The following WNT7B variants were observed in gnomAD, a reference collection of about 807,000 sequenced individuals.
The protein encoded by WNT7B is Wnt family member 7B.
Under a neutral mutation model 38.2 loss-of-function variants are expected in WNT7B, and 19 were observed. That is an observed-to-expected ratio of 0.50 (90% CI 0.35 to 0.73). The LOEUF is 0.73. Among genes scored for constraint, WNT7B ranks in the 30% least tolerant of loss-of-function variants. WNT7B has a pLI of 0.01. For synonymous variants in WNT7B, 243 were observed against 209.3 expected (o/e 1.16, Z -1.39); for missense variants, 423 against 507.9 (o/e 0.83, Z 1.61).
intron 1 of WNT7B, among the ~76,000 whole-genome samples, chr22:45,974,261 C>T (rs943582217): frequency 2.0e-5 from 3 of 152,146 alleles, no homozygotes; most frequent in Non-Finnish European, 4.4e-5. Flanking sequence ...CACTCAAGGC[C>T]ACAGGCTAGG....
At chr22:45,962,468 C>T (rs1016802996) in intron 1 of WNT7B, among the ~76,000 whole-genome samples, 5 of 152,198 alleles carry the variant, frequency 3.3e-5, no homozygotes, top group African/African-American at 1.2e-4. Flanking sequence ...GGGCAGGTAC[C>T]TTGCTCCCTC....
intron 1 of WNT7B, among the ~76,000 whole-genome samples, chr22:45,958,340 G>A (rs1176847632): frequency 6.6e-6 from 1 of 152,164 alleles, no homozygotes. Flanking sequence ...CAGGTGGCAG[G>A]GAGTGGGCAG....
In WNT7B at chr22:45,922,439, G is replaced by A. The variant is rs928419935; in HGVS notation, c.*417C>T. The A allele has an allele frequency of 2.1e-5, 4 of 192,162 alleles. No homozygotes were observed. Among genetic ancestry groups the A allele is most frequent in the Admixed American group, 1.1e-4 (2 of 18,886 alleles). The allele number at this position is 192,162 out of a possible 1,614,324, so 11.9% of individuals were successfully genotyped here. On this transcript the variant is annotated 3_prime_UTR_variant, in exon 4 of 4. Coordinates refer to ENST00000339464, the MANE Select transcript of WNT7B (RefSeq NM_058238.3). The stretch of plus-strand genomic sequence containing the variant: ...CCCAGCCTGGGAACTGGTCTGGAGA[G>A]GCCAGCCGGCGTAGCTTTTCTGTGT...
At chr22:45,937,028 A>T (rs1931530287) in intron 2 of WNT7B, among the ~76,000 whole-genome samples, 1 of 152,154 alleles carries the variant, frequency 6.6e-6, no homozygotes, top group Non-Finnish European at 1.5e-5. Flanking sequence ...GACCTGATTA[A>T]CTGCACGGAG....
At chr22:45,934,228 T>G (rs889966656) in intron 2 of WNT7B, among the ~76,000 whole-genome samples, 2 of 151,992 alleles carry the variant, frequency 1.3e-5, no homozygotes, top group Admixed American at 1.3e-4. Flanking sequence ...GTGCCTGGGG[T>G]CGGGGGCCCT....
At chr22:45,928,874 C>A (rs1185165189) in intron 3 of WNT7B, among the ~76,000 whole-genome samples, 2 of 145,644 alleles carry the variant, frequency 1.4e-5, no homozygotes, top group Admixed American at 1.4e-4. Context: ...CACGACATAC[C>A]ACGACCTTGG....
intron 2 of WNT7B, among the ~76,000 whole-genome samples, chr22:45,932,422 C>G (rs1018843546): frequency 1.3e-5 from 2 of 152,130 alleles, no homozygotes; most frequent in South Asian, 2.1e-4. Context: ...CCAGACCCCC[C>G]CCGCCAGAAG....
At chr22:45,929,665 CG>C (rs1931243693) in intron 3 of WNT7B, among the ~76,000 whole-genome samples, 3 of 118,908 alleles carry the variant, frequency 2.5e-5, no homozygotes, top group Admixed American at 7.4e-5. Context: ...TCCACCCACC[CG>C]CCCATCCTTC....
At chr22:45,932,193 G>C (rs777245989) in intron 2 of WNT7B, among the ~76,000 whole-genome samples, 13 of 152,272 alleles carry the variant, frequency 8.5e-5, no homozygotes, top group Non-Finnish European at 1.6e-4. Context: ...CAAGCCCACG[G>C]CTGAGCTGGG....
chr22:45,929,811 T>TCATCTATCTAC (rs1555907347), intron 3 of WNT7B, among the ~76,000 whole-genome samples: 904 of 88,366 alleles, frequency 0.01, 7 homozygotes, highest in African/African-American at 0.027. Flanking sequence ...CATCTACCCA[T>TCATCTATCTAC]CCATCTATCT....
chr22:45,957,338 G>A (rs1472151939), intron 1 of WNT7B, among the ~76,000 whole-genome samples: 2 of 151,858 alleles, frequency 1.3e-5, no homozygotes, highest in Non-Finnish European at 2.9e-5. Flanking sequence ...TTATTGAAAT[G>A]GGGCAATAAC....
chr22:45,973,892 G>C (rs1363554567), intron 1 of WNT7B, among the ~76,000 whole-genome samples: 4 of 96,792 alleles, frequency 4.1e-5, no homozygotes, highest in Non-Finnish European at 8.7e-5. Flanking sequence ...TGCCCAGGTG[G>C]CCCCCCGTGT....
rs1481061839 is a variant in WNT7B at position 45,966,121 on chromosome 22, C to A, written c.71+10563G>T. On this transcript the variant is annotated intron_variant, in intron 1 of 3. Coordinates refer to ENST00000339464, the MANE Select transcript of WNT7B (RefSeq NM_058238.3). This position sits in a 1 kb window ranked among gnomAD's most constrained non-coding sequence, Gnocchi z 4.2. ...AGGGGGACACAGATTCCAAAGCAGA[C>A]CCTGGGCACTGTGCACACGTCAGTC... Among the ~76,000 whole-genome samples the A allele has an allele frequency of 6.6e-6, 1 of 152,204 alleles. No individual in the cohort carries two copies. Among genetic ancestry groups the A allele is most frequent in the African/African-American group, 2.4e-5 (1 of 41,446 alleles).
At position 45,966,942 on chromosome 22, in the gene WNT7B, C is replaced by CT. The variant is rs61459694; in HGVS notation, c.71+9741dup. ...CTCACTCCTGCATCTGCTTGTATGC[C>CT]TCCGGGGCTGGAGAACTCACTGCCT... On this transcript the variant is annotated intron_variant, in intron 1 of 3. Transcript: ENST00000339464. This position sits in a 1 kb window ranked among gnomAD's most constrained non-coding sequence, Gnocchi z 4.2. 0.3 allele frequency among the ~76,000 whole-genome samples: 46,169 copies of CT among 152,072 alleles called. 7,927 individuals are homozygous for CT. Among genetic ancestry groups the CT allele is most frequent in the East Asian group, 0.68 (3,497 of 5,138 alleles).
chr22:45,965,727 G>A lies in WNT7B; in HGVS notation c.71+10957C>T, dbSNP rs576976190. ...GAAGGCCTCTGGGCTTCCCATACCC[G>A]CAGGACAGCTGCACCTCTGGTCCCA... On this transcript the variant is annotated intron_variant, in intron 1 of 3. Transcript: ENST00000339464. This position sits in a 1 kb window ranked among gnomAD's most constrained non-coding sequence, Gnocchi z 6.5. 8.5e-5 allele frequency among the ~76,000 whole-genome samples: 13 copies of A among 152,284 alleles called. No individual in the cohort carries two copies. Among genetic ancestry groups the A allele is most frequent in the Admixed American group, 2.6e-4 (4 of 15,296 alleles).
At chr22:45,933,303 C>T (rs1158791320) in intron 2 of WNT7B, among the ~76,000 whole-genome samples, 1 of 152,224 alleles carries the variant, frequency 6.6e-6, no homozygotes, top group Non-Finnish European at 1.5e-5. Context: ...CTGCAGGCAG[C>T]ACAGCCCCTG....
intron 1 of WNT7B, among the ~76,000 whole-genome samples, chr22:45,960,044 C>T (rs537717065): frequency 2.0e-5 from 3 of 152,218 alleles, no homozygotes; most frequent in Admixed American, 6.5e-5. Flanking sequence ...ATGCCCCGCT[C>T]TGCCCCCAGG....
chr22:45,930,447 T>G (rs557964171), intron 3 of WNT7B, among the ~76,000 whole-genome samples: 1 of 152,244 alleles, frequency 6.6e-6, no homozygotes, highest in Non-Finnish European at 1.5e-5. Context: ...TCAGGCCATC[T>G]TGCCGCCGTG....
At chr22:45,933,024 C>A (rs994287846) in intron 2 of WNT7B, among the ~76,000 whole-genome samples, 3 of 152,228 alleles carry the variant, frequency 2.0e-5, no homozygotes, top group Non-Finnish European at 2.9e-5. Context: ...TGTGTGCATG[C>A]TCTGGGGCCA....
Sources: gnomAD v4.1 joint callset for allele counts (sites outside exome capture counted in the v4.1 genomes callset) on GRCh38, gnomAD v4.1.1 for gene constraint, Gnocchi (gnomAD v3.1) non-coding constraint, MANE v1.5 for transcripts, NCBI Gene and HGNC (gene_info 2026-07-23, HGNC 2026-07-21) for gene names.